The following NRCAM variants were observed in gnomAD, a reference collection of about 807,000 sequenced individuals.
NRCAM encodes neuronal cell adhesion molecule, also known as NgCAM-related cell adhesion molecule.
A neutral mutation model predicts 156.5 loss-of-function variants in NRCAM; 83 were observed. The ratio of observed to expected loss-of-function variants is 0.53; its 90% CI spans 0.44 to 0.64. The LOEUF is 0.64. Among genes scored for constraint, NRCAM ranks in the 30% least tolerant of loss-of-function variants. The probability of loss-of-function intolerance (pLI) is 0.00; values close to 1 mark genes in which losing one functional copy is unlikely to be tolerated. For synonymous variants in NRCAM, 538 were observed against 563.9 expected (o/e 0.95, Z 0.65); for missense variants, 1,417 against 1,597.3 (o/e 0.89, Z 1.92).
intron 3 of NRCAM, among the ~76,000 whole-genome samples, chr7:108,274,957 G>A (rs766367197): frequency 4.6e-5 from 7 of 152,066 alleles, no homozygotes; most frequent in Non-Finnish European, 8.8e-5. Flanking sequence ...AAGGCTGTTG[G>A]ATATTGTTGA....
chr7:108,282,853 C>T (rs2097910674), intron 3 of NRCAM, among the ~76,000 whole-genome samples: 1 of 152,216 alleles, frequency 6.6e-6, no homozygotes, highest in Non-Finnish European at 1.5e-5. Context: ...CAGTAGTTCT[C>T]AAACTCTACT....
chr7:108,319,943 G>C (rs996353727), intron 2 of NRCAM, among the ~76,000 whole-genome samples: 2 of 152,200 alleles, frequency 1.3e-5, no homozygotes, highest in African/African-American at 4.8e-5. Flanking sequence ...GAAAGCTGAG[G>C]GTGGAAGAGG....
At chr7:108,446,785 G>A (rs1398414804) in intron 1 of NRCAM, among the ~76,000 whole-genome samples, 1 of 148,504 alleles carries the variant, frequency 6.7e-6, no homozygotes, top group African/African-American at 2.5e-5. Flanking sequence ...TGTAGTGCAA[G>A]TGCATGATCA....
chr7:108,154,749 A>T (rs73412316), intron 32 of NRCAM, among the ~76,000 whole-genome samples: 1 of 152,136 alleles, frequency 6.6e-6, no homozygotes, highest in African/African-American at 2.4e-5. Flanking sequence ...TAAGTCATAC[A>T]CACAGTGCTG....
chr7:108,337,878 T>C (rs1297273070), intron 2 of NRCAM, among the ~76,000 whole-genome samples: 2 of 152,202 alleles, frequency 1.3e-5, no homozygotes, highest in Non-Finnish European at 2.9e-5. Flanking sequence ...AGCGGTAATA[T>C]TGGACCACTT....
chr7:108,445,703 G>A (rs1843432127), intron 1 of NRCAM, among the ~76,000 whole-genome samples: 5 of 152,088 alleles, frequency 3.3e-5, no homozygotes, highest in Admixed American at 3.3e-4. Flanking sequence ...CAGTGTATGA[G>A]CTTTCTTAAT....
At chr7:108,268,285 C>T (rs953510474) in intron 3 of NRCAM, among the ~76,000 whole-genome samples, 6 of 152,132 alleles carry the variant, frequency 3.9e-5, no homozygotes, top group African/African-American at 1.4e-4. Context: ...TCCTTGCAAA[C>T]AGGAAAAGAA....
At position 108,399,438 on chromosome 7, in the gene NRCAM, T is replaced by G. The variant is rs1294232209; in HGVS notation, c.-176A>C. The G allele has an allele frequency of 6.6e-6, 1 of 152,178 alleles. No homozygotes were observed. Among genetic ancestry groups the G allele is most frequent in the African/African-American group, 2.4e-5 (1 of 41,446 alleles). 9.4% of individuals were successfully genotyped at this position (152,178 alleles called of 1,614,324 possible). On this transcript the variant is annotated splice_region_variant and 5_prime_UTR_variant, in exon 2 of 33. Coordinates refer to ENST00000379028, the MANE Select transcript of NRCAM (RefSeq NM_001037132.4). ...AGAGAGAACTAATTCACTCTCACCT[T>G]CAGAAGGTCCACTGGGCTAGACACC...
intron 1 of NRCAM, among the ~76,000 whole-genome samples, chr7:108,447,041 C>G (rs181339304): frequency 1.8e-3 from 277 of 152,084 alleles, no homozygotes; most frequent in Non-Finnish European, 3.2e-3. Flanking sequence ...CTGTCTACCT[C>G]TTTACTAATT....
intron 3 of NRCAM, among the ~76,000 whole-genome samples, chr7:108,248,956 G>C (rs2096154330): frequency 1.4e-5 from 2 of 141,326 alleles, no homozygotes; most frequent in Admixed American, 7.0e-5. Context: ...ATTAGTCAGG[G>C]AGCAGGATGA....
At chr7:108,250,002 C>A (rs1193636617) in intron 3 of NRCAM, among the ~76,000 whole-genome samples, 1 of 152,196 alleles carries the variant, frequency 6.6e-6, no homozygotes, top group Non-Finnish European at 1.5e-5. Context: ...GATATCTGCA[C>A]TCCCATGTTT....
In NRCAM at chr7:108,176,585, C is replaced by T; in HGVS notation, c.2996G>A (p.Gly999Asp). Residue 999 changes from glycine (G) to aspartate (D), a missense_variant, in exon 27 of 33, where the codon GGC (glycine) becomes GAC (aspartate). Coordinates refer to ENST00000379028, the MANE Select transcript of NRCAM (RefSeq NM_001037132.4). ...YQPINSTHEL[G>D]PLVDLKIPAN... Reference sequence around the variant, plus strand: ...AGGAATTTTCAAATCTACCAGAGGGCCTAATTCATGTGTGCTGTTAACTGT... The same window carrying T: ...AGGAATTTTCAAATCTACCAGAGGGTCTAATTCATGTGTGCTGTTAACTGT... 2 of 1,613,206 alleles carry T rather than the reference C, an allele frequency of 1.2e-6. No individual in the cohort carries two copies. Among genetic ancestry groups the T allele is most frequent in the Non-Finnish European group, 8.5e-7 (1 of 1,179,600 alleles).
intron 2 of NRCAM, among the ~76,000 whole-genome samples, chr7:108,398,697 T>C (rs893783672): frequency 6.6e-6 from 1 of 152,206 alleles, no homozygotes; most frequent in Admixed American, 6.5e-5. Flanking sequence ...AAGCCTGCTT[T>C]TACACACAGC....
intron 2 of NRCAM, among the ~76,000 whole-genome samples, chr7:108,382,449 A>AT (rs1014497618): frequency 2.6e-5 from 4 of 151,722 alleles, no homozygotes; most frequent in East Asian, 3.9e-4. Context: ...AATTAAATTA[A>AT]TTTTTTTTAA....
At chr7:108,419,731 T>C (rs1413599622) in intron 1 of NRCAM, among the ~76,000 whole-genome samples, 1 of 152,252 alleles carries the variant, frequency 6.6e-6, no homozygotes, top group African/African-American at 2.4e-5. Flanking sequence ...ACTTTTAATG[T>C]CAAAACTAGA....
intron 1 of NRCAM, among the ~76,000 whole-genome samples, chr7:108,414,753 T>C (rs957601892): frequency 5.3e-5 from 8 of 151,894 alleles, no homozygotes; most frequent in African/African-American, 1.9e-4. Flanking sequence ...GGCAGACTGC[T>C]AGGAAGAGGG....
At chr7:108,223,121 G>A (rs1432458004) in intron 11 of NRCAM, among the ~76,000 whole-genome samples, 1 of 152,184 alleles carries the variant, frequency 6.6e-6, no homozygotes, top group African/African-American at 2.4e-5. Context: ...GTTGTTAGGA[G>A]AATAAGCCAG....
Position 108,198,034 on chromosome 7 carries a change from T to C in NRCAM, c.1273A>G (p.Arg425Gly), listed in dbSNP as rs2076049826. 1.2e-6 allele frequency: 2 copies of C among 1,604,108 alleles called. No homozygotes were observed. The highest frequency in any genetic ancestry group is 1.7e-6 in the Non-Finnish European group (2 of 1,175,542). The change falls in exon 14 of 33, where the codon AGA becomes GGA. Residue 425 changes from arginine (R) to glycine (G), a missense_variant. Coordinates refer to ENST00000379028, the MANE Select transcript of NRCAM (RefSeq NM_001037132.4). ...TTGCACTGATAGACTGCACTTGATC[T>C]TTCTTGAACATTTGAAAAAATAATG... ...DTIIFSNVQE[R>G]SSAVYQCNAS...
chr7:108,401,532 T>A (rs1295461274), intron 1 of NRCAM, among the ~76,000 whole-genome samples: 1 of 152,082 alleles, frequency 6.6e-6, no homozygotes, highest in African/African-American at 2.4e-5. Flanking sequence ...CAGAGGAAGA[T>A]CCTGTCTCAA....
Sources: gnomAD v4.1 joint callset for allele counts (sites outside exome capture counted in the v4.1 genomes callset) on GRCh38, gnomAD v4.1.1 for gene constraint, MANE v1.5 for transcripts, NCBI Gene and HGNC (gene_info 2026-07-23, HGNC 2026-07-21) for gene names.